ADGRL3: variants seen among roughly 807,000 people sequenced by gnomAD.
The protein encoded by ADGRL3 is adhesion G protein-coupled receptor L3, also known as calcium-independent alpha-latrotoxin receptor 3.
Under a neutral mutation model 153.5 loss-of-function variants are expected in ADGRL3, and 62 were observed. The observed-to-expected ratio is 0.40, with a 90% CI of 0.33 to 0.50. The LOEUF (loss-of-function observed/expected upper bound fraction) is 0.50, where lower values mean the gene tolerates loss of function less well. ADGRL3 is among the 20% of genes least tolerant of loss of function. The probability of loss-of-function intolerance (pLI) is 0.47; values close to 1 mark genes in which losing one functional copy is unlikely to be tolerated. For synonymous variants in ADGRL3, 710 were observed against 672.5 expected, an observed-to-expected ratio of 1.06 and a Z score of -0.86; for missense variants, 1,641 against 1,859.4, an observed-to-expected ratio of 0.88 and a Z score of 2.16.
rs184033503 is a variant in ADGRL3, at chr4:61,295,727, G to T, written c.-239-87397G>T. ...CCCGTCCAGCATTTTGGGAGGCAGAGGTGTGAGGGTCACTTGAGCCTAGGA... is the reference window on the plus strand; with the variant it reads ...CCCGTCCAGCATTTTGGGAGGCAGATGTGTGAGGGTCACTTGAGCCTAGGA... On this transcript the variant is annotated intron_variant, in intron 1 of 26. Transcript: ENST00000683033. 8.5e-4 allele frequency among the ~76,000 whole-genome samples: 129 copies of T among 151,984 alleles called. 1 individual carries two copies. Among genetic ancestry groups the T allele is most frequent in the African/African-American group, 3.0e-3 (126 of 41,468 alleles).
intron 6 of ADGRL3, among the ~76,000 whole-genome samples, chr4:61,709,716 A>G (rs962048125): frequency 1.3e-5 from 2 of 152,200 alleles, no homozygotes; most frequent in South Asian, 2.1e-4. Flanking sequence ...GAGAAAAAAC[A>G]TCCAATACAA....
At chr4:61,595,721 T>G (rs2149454173) in intron 5 of ADGRL3, among the ~76,000 whole-genome samples, 1 of 152,248 alleles carries the variant, frequency 6.6e-6, no homozygotes, top group Non-Finnish European at 1.5e-5. Context: ...AAGCCTAGCC[T>G]AGCACTAGGA....
At chr4:62,045,433 A>T (rs1223091351) in intron 25 of ADGRL3, among the ~76,000 whole-genome samples, 2 of 151,834 alleles carry the variant, frequency 1.3e-5, no homozygotes, top group Non-Finnish European at 2.9e-5. Flanking sequence ...TTTATGATCG[A>T]TATTATTATT....
intron 8 of ADGRL3, among the ~76,000 whole-genome samples, chr4:61,758,205 CCCTGGATATCCCTGAGTTCAATT>C (rs1453657965): frequency 2.0e-5 from 3 of 152,056 alleles, no homozygotes; most frequent in African/African-American, 7.2e-5. Context: ...CCTGGACAAT[CCCTGGATATCCCTGAGTTCAATT>C]CCTGGATATC....
At chr4:61,860,486 C>G (rs1291621523) in intron 9 of ADGRL3, among the ~76,000 whole-genome samples, 1 of 151,946 alleles carries the variant, frequency 6.6e-6, no homozygotes, top group Non-Finnish European at 1.5e-5. Context: ...ATAGCCACTG[C>G]CAACTAATCC....
At chr4:61,364,170 A>C (rs927826385) in intron 1 of ADGRL3, among the ~76,000 whole-genome samples, 28 of 151,696 alleles carry the variant, frequency 1.8e-4, no homozygotes, top group African/African-American at 6.8e-4. Context: ...TCTCTACTAA[A>C]ATAAAAAAAA....
intron 8 of ADGRL3, among the ~76,000 whole-genome samples, chr4:61,759,540 C>A (rs1402329370): frequency 6.6e-6 from 1 of 152,068 alleles, no homozygotes; most frequent in African/African-American, 2.4e-5. Flanking sequence ...TTAAGGAGTT[C>A]TCTGCATTGG....
intron 17 of ADGRL3, among the ~76,000 whole-genome samples, chr4:61,963,330 C>T (rs190260767): frequency 3.5e-4 from 53 of 151,666 alleles, no homozygotes; most frequent in Admixed American, 7.2e-4. Flanking sequence ...TTGCATGTCA[C>T]AGGGTCTTAG....
chr4:61,682,295 CAA>C (rs2095353875), intron 6 of ADGRL3, among the ~76,000 whole-genome samples: 1 of 151,796 alleles, frequency 6.6e-6, no homozygotes, highest in African/African-American at 2.4e-5. Context: ...ATATTTATAA[CAA>C]GAGCAACAAA....
chr4:61,518,251 T>A (rs182171387), intron 4 of ADGRL3, among the ~76,000 whole-genome samples: 121 of 152,358 alleles, frequency 7.9e-4, no homozygotes, highest in Non-Finnish European at 1.3e-3. Context: ...CTCTTATTTC[T>A]GTCATTTCCC....
At chr4:61,297,041 A>C (rs1478658265) in intron 1 of ADGRL3, among the ~76,000 whole-genome samples, 3 of 152,168 alleles carry the variant, frequency 2.0e-5, no homozygotes, top group Non-Finnish European at 4.4e-5. Context: ...TAAACAACAA[A>C]AAATAGTAGA....
chr4:61,745,267 C>T (rs1207435949), intron 8 of ADGRL3, among the ~76,000 whole-genome samples: 2 of 152,102 alleles, frequency 1.3e-5, no homozygotes, highest in Non-Finnish European at 2.9e-5. Context: ...AGAATGGAAC[C>T]AAGTTGGAAA....
chr4:62,044,609 A>G (rs1370614107), intron 25 of ADGRL3, 60 bp downstream of exon 25: 4 of 1,144,866 alleles, frequency 3.5e-6, no homozygotes, highest in Middle Eastern at 2.0e-4. Flanking sequence ...AAGTCCTTAA[A>G]TTCATTGCTT....
At chr4:61,915,941 G>A (rs182849846) in intron 13 of ADGRL3, among the ~76,000 whole-genome samples, 11 of 152,002 alleles carry the variant, frequency 7.2e-5, no homozygotes, top group South Asian at 6.2e-4. Context: ...TTTCATAAGC[G>A]CAAGCAATGA....
At chr4:61,234,630 G>C (rs974027230) in intron 1 of ADGRL3, among the ~76,000 whole-genome samples, 9 of 152,212 alleles carry the variant, frequency 5.9e-5, no homozygotes, top group Admixed American at 5.2e-4. Context: ...GATATAGTCA[G>C]TGAGCCTGGA....
At chr4:61,686,635 G>A (rs1011595513) in intron 6 of ADGRL3, among the ~76,000 whole-genome samples, 1 of 151,906 alleles carries the variant, frequency 6.6e-6, no homozygotes, top group Non-Finnish European at 1.5e-5. Flanking sequence ...ATTTCTTTAT[G>A]GTAAGAACAT....
At chr4:61,686,589 A>G (rs2095448107) in intron 6 of ADGRL3, among the ~76,000 whole-genome samples, 1 of 152,102 alleles carries the variant, frequency 6.6e-6, no homozygotes, top group South Asian at 2.1e-4. Context: ...TAATGATCAA[A>G]TCAGGGAATT....
chr4:61,351,873 G>T (rs574539157), intron 1 of ADGRL3, among the ~76,000 whole-genome samples: 17 of 152,276 alleles, frequency 1.1e-4, no homozygotes, highest in African/African-American at 3.8e-4. Flanking sequence ...GCTTGCTAAT[G>T]CAACATCCAT....
intron 1 of ADGRL3, among the ~76,000 whole-genome samples, chr4:61,229,917 T>TAC (rs1457234798): frequency 2.6e-5 from 4 of 151,558 alleles, no homozygotes; most frequent in African/African-American, 9.7e-5. Flanking sequence ...TATATATATA[T>TAC]ACACACATAT....
Sources: allele counts gnomAD v4.1 joint callset (sites outside exome capture counted in the v4.1 genomes callset), GRCh38; gene constraint gnomAD v4.1.1; transcripts MANE v1.5; gene names NCBI Gene and HGNC (gene_info 2026-07-23, HGNC 2026-07-21).